Variants in KIAA0930 observed in about 807,000 individuals in gnomAD.
KIAA0930 encodes the protein KIAA0930.
KIAA0930 carries 24 observed loss-of-function variants against 43.9 expected under a neutral mutation model. The ratio of observed to expected loss-of-function variants is 0.55; its 90% CI spans 0.40 to 0.77. KIAA0930 has a LOEUF of 0.77. KIAA0930 is among the 30% of genes least tolerant of loss of function. KIAA0930 has a pLI of 0.00. For synonymous variants in KIAA0930, 259 were observed against 216.4 expected (o/e 1.20, Z -1.73); for missense variants, 461 against 574.2 (o/e 0.80, Z 2.02).
intron 1 of KIAA0930, among the ~76,000 whole-genome samples, chr22:45,230,029 G>C (rs1055385238): frequency 2.6e-5 from 4 of 152,364 alleles, no homozygotes; most frequent in Non-Finnish European, 2.9e-5. Flanking sequence ...CCAGGGGGCG[G>C]AGGGCGCAGT....
chr22:45,218,300 G>A (rs2083745754), intron 1 of KIAA0930, among the ~76,000 whole-genome samples: 1 of 148,978 alleles, frequency 6.7e-6, no homozygotes, highest in South Asian at 2.1e-4. Context: ...TGTGATTACA[G>A]GCATGCACCA....
chr22:45,212,117 G>A lies in KIAA0930; in HGVS notation c.65-10C>T, dbSNP rs751627762. ...TCATCCTTGAAGCACCCTGCAGAGG[G>A]AGGCCAGACAGGAGTGAGGAAGGAC... On this transcript the variant is annotated splice_polypyrimidine_tract_variant and intron_variant, in intron 1 of 9. Coordinates refer to ENST00000336156, the MANE Select transcript of KIAA0930 (RefSeq NM_001009880.2). 10 of 1,613,772 alleles carry A rather than the reference G, an allele frequency of 6.2e-6. No individual in the cohort carries two copies. Among genetic ancestry groups the A allele is most frequent in the Non-Finnish European group, 8.5e-6 (10 of 1,179,946 alleles).
chr22:45,216,186 A>G (rs537521171), intron 1 of KIAA0930, among the ~76,000 whole-genome samples: 83 of 152,302 alleles, frequency 5.4e-4, no homozygotes, highest in Non-Finnish European at 9.1e-4. Context: ...GGCACAGTAC[A>G]GTGTTAGGAG....
intron 1 of KIAA0930, among the ~76,000 whole-genome samples, chr22:45,229,833 C>A (rs2083840883): frequency 1.3e-5 from 2 of 152,238 alleles, no homozygotes; most frequent in Non-Finnish European, 2.9e-5. Flanking sequence ...GTGGCTCATG[C>A]CTGTAATCTC....
intron 1 of KIAA0930, among the ~76,000 whole-genome samples, chr22:45,240,234 T>C (rs1016819099): frequency 1.3e-5 from 2 of 152,176 alleles, no homozygotes. Flanking sequence ...GGCCCGACCC[T>C]GCCGCGCTGG....
chr22:45,207,544 A>G (rs5766538), intron 2 of KIAA0930: 20,993 of 140,338 alleles, frequency 0.15, 1,513 homozygotes, highest in East Asian at 0.25. Flanking sequence ...AGCTGATCTC[A>G]AACTCCTGAC....
chr22:45,217,483 C>T (rs2083741304), intron 1 of KIAA0930, among the ~76,000 whole-genome samples: 1 of 151,270 alleles, frequency 6.6e-6, no homozygotes, highest in South Asian at 2.1e-4. Context: ...CATGTATTTT[C>T]TCCATAAAGT....
rs2083794312 is a variant in KIAA0930 at position 45,225,600 on chromosome 22, C to T, written c.65-13493G>A. Among the ~76,000 whole-genome samples, 20 of 152,284 alleles carry T rather than the reference C, an allele frequency of 1.3e-4. No homozygotes were observed. In the South Asian group the frequency reaches 3.7e-3, roughly 28 times the overall value. ...AGCCTTGCTCCCTCTCACCAGGTCT[C>T]GACCACACCACAGGGCACAGGGCAC... On this transcript the variant is annotated intron_variant, in intron 1 of 9. Transcript: ENST00000336156.
chr22:45,198,356 G>A (rs2742644), intron 8 of KIAA0930, among the ~76,000 whole-genome samples: 62 of 152,322 alleles, frequency 4.1e-4, no homozygotes, highest in African/African-American at 1.4e-3. Flanking sequence ...CCAGTCCTGC[G>A]GTCCAGGCTG....
In KIAA0930 at chr22:45,197,168, G is replaced by A. The variant is rs576071946; in HGVS notation, c.*8C>T. On this transcript the variant is annotated 3_prime_UTR_variant, in exon 10 of 10. Transcript: ENST00000336156. ...CCGGCCGGGGCTCTGCGCAGGCTCC[G>A]CACGCGGCTAGGTCATCAGGATGGG... The A allele has an allele frequency of 8.4e-6, 13 of 1,547,106 alleles. No individual in the cohort carries two copies. The highest frequency in any genetic ancestry group is 2.4e-5 in the South Asian group (2 of 83,488).
At chr22:45,226,189 T>C (rs1441950668) in intron 1 of KIAA0930, 3 of 458,368 alleles carry the variant, frequency 6.5e-6, no homozygotes, top group Non-Finnish European at 9.2e-6. Context: ...TTCATGGGCC[T>C]GTCTTAGACT....
At chr22:45,239,526 G>T (rs1466165630) in intron 1 of KIAA0930, among the ~76,000 whole-genome samples, 1 of 152,136 alleles carries the variant, frequency 6.6e-6, no homozygotes, top group African/African-American at 2.4e-5. Context: ...TGCTAAGCCT[G>T]CCTCCTACAA....
intron 7 of KIAA0930, 162 bp from the exon 8 acceptor site, chr22:45,200,197 C>T: frequency 1.6e-6 from 1 of 615,344 alleles, no homozygotes; most frequent in Non-Finnish European, 2.6e-6. Context: ...CTAGGTGGGG[C>T]CTAGAGACTG....
intron 8 of KIAA0930, among the ~76,000 whole-genome samples, chr22:45,198,709 G>A (rs1048535838): frequency 2.0e-5 from 3 of 152,192 alleles, no homozygotes; most frequent in African/African-American, 7.2e-5. Context: ...GAGTGCAGTG[G>A]CACGATCTCG....
Position 45,205,659 on chromosome 22 carries a change from C to A in KIAA0930, c.385G>T (p.Asp129Tyr). 1 of 1,614,080 alleles carries A rather than the reference C, an allele frequency of 6.2e-7. No individual in the cohort carries two copies. The highest frequency in any genetic ancestry group is 8.5e-7 in the Non-Finnish European group (1 of 1,180,012). Residue 129 changes from aspartate to tyrosine, a missense_variant, in exon 4 of 10, where the codon GAC becomes TAC. Transcript: ENST00000336156. ...CAVCTRADGG[D>Y]IHIHKKKSQQ... ...GATTTCTTCTTATGGATGTGAATGT[C>A]CCCGCCGTCAGCACGTGTGCACACC...
chr22:45,231,244 A>C (rs985164603), intron 1 of KIAA0930, among the ~76,000 whole-genome samples: 1 of 151,870 alleles, frequency 6.6e-6, no homozygotes, highest in Non-Finnish European at 1.5e-5. Context: ...AAAAAAAGAA[A>C]GAAAATACAC....
At chr22:45,201,875 C>T (rs542450443) in intron 7 of KIAA0930, among the ~76,000 whole-genome samples, 4 of 152,304 alleles carry the variant, frequency 2.6e-5, no homozygotes, top group South Asian at 2.1e-4. Context: ...GGCATGCCTG[C>T]GGTAATGCAT....
intron 1 of KIAA0930, chr22:45,213,545 T>C: frequency 8.6e-7 from 1 of 1,157,318 alleles, no homozygotes; most frequent in African/African-American, 1.6e-5. Flanking sequence ...TGCCGCGTTT[T>C]TGCAACAGGC....
At chr22:45,222,656 C>A (rs985093727) in intron 1 of KIAA0930, among the ~76,000 whole-genome samples, 10 of 151,744 alleles carry the variant, frequency 6.6e-5, no homozygotes, top group African/African-American at 1.9e-4. Context: ...CCCGCCCCCC[C>A]ACCACCACAC....
Sources: allele counts gnomAD v4.1 joint callset (sites outside exome capture counted in the v4.1 genomes callset), GRCh38; gene constraint gnomAD v4.1.1; transcripts MANE v1.5; gene names NCBI Gene and HGNC (gene_info 2026-07-23, HGNC 2026-07-21).